The following MORC3 variants were observed in gnomAD, a reference collection of about 807,000 sequenced individuals.
MORC3 encodes the protein MORC family CW-type zinc finger 3.
Under a neutral mutation model 109.1 loss-of-function variants are expected in MORC3, and 31 were observed. The ratio of observed to expected loss-of-function variants is 0.28; its 90% CI spans 0.21 to 0.38. The LOEUF (loss-of-function observed/expected upper bound fraction) is 0.38. Ranked by LOEUF, MORC3 falls within the 10% of genes least tolerant of loss-of-function variation. MORC3 has a pLI of 1.00. For synonymous variants in MORC3, 395 were observed against 380.7 expected, an observed-to-expected ratio of 1.04 and a Z score of -0.44; for missense variants, 867 against 1,135.8, an observed-to-expected ratio of 0.76 and a Z score of 3.40.
At chr21:36,363,233 A>G (rs1460795658) in intron 13 of MORC3, among the ~76,000 whole-genome samples, 1 of 152,166 alleles carries the variant, frequency 6.6e-6, no homozygotes, top group Non-Finnish European at 1.5e-5. Context: ...AGCCTGGGCA[A>G]TATGGCAAAA....
At position 36,345,042 on chromosome 21, in the gene MORC3, T is replaced by C. The variant is rs756798979; in HGVS notation, c.1005+11T>C. ...GGATGTCAGTTAAGGGTAAGCTTTATTTTTTATTTGAAAAGAAAATGTCTA... is the reference window on the plus strand; with the variant it reads ...GGATGTCAGTTAAGGGTAAGCTTTACTTTTTATTTGAAAAGAAAATGTCTA... On this transcript the variant is annotated intron_variant, in intron 8 of 16. Transcript: ENST00000400485. The C allele has an allele frequency of 3.8e-6, 6 of 1,578,414 alleles. No individual in the cohort carries two copies. The highest frequency in any genetic ancestry group is 5.1e-6 in the Non-Finnish European group (6 of 1,169,360).
At chr21:36,355,867 A>G (rs991104963) in intron 9 of MORC3, among the ~76,000 whole-genome samples, 2 of 151,896 alleles carry the variant, frequency 1.3e-5, no homozygotes, top group African/African-American at 4.8e-5. Flanking sequence ...CAACCTACAT[A>G]TCAAGCAATT....
chr21:36,360,144 C>T (rs375716101), intron 11 of MORC3, 40 bp from the exon 12 acceptor site: 49 of 1,613,512 alleles, frequency 3.0e-5, no homozygotes, highest in African/African-American at 2.9e-4. Flanking sequence ...TATGAATAGG[C>T]GCTGGTGACA....
rs377444374 is a variant in MORC3, at chr21:36,364,174, C to T, written c.1534C>T (p.His512Tyr). 9.4e-5 allele frequency: 151 copies of T among 1,613,964 alleles called. No individual in the cohort carries two copies. The highest frequency in any genetic ancestry group is 1.2e-4 in the Non-Finnish European group (144 of 1,179,970). ...TCCTAAGGAAAGTGTTCCAAGAAGA[C>T]ATCTTTCAGAAGGAACAAATTCTTA... Reference protein sequence around the residue: ...SSPKESVPRRHLSEGTNSYAT... With the variant: ...SSPKESVPRRYLSEGTNSYAT... Residue 512 changes from histidine (H) to tyrosine (Y), a missense_variant, in exon 14 of 17, where the codon CAT (histidine) becomes TAT (tyrosine). This residue lies in a region of MORC3 where 486 missense variants were observed against 502.1 expected (regional missense o/e 0.97). Transcript: ENST00000400485.
intron 1 of MORC3, among the ~76,000 whole-genome samples, chr21:36,328,332 C>G (rs182159445): frequency 0.03 from 4,324 of 145,542 alleles, 189 homozygotes; most frequent in African/African-American, 0.095. Flanking sequence ...AATAATAAGC[C>G]CCCCCCCGCC....
chr21:36,359,064 G>C (rs936273772), intron 10 of MORC3, among the ~76,000 whole-genome samples: 1 of 152,114 alleles, frequency 6.6e-6, no homozygotes, highest in African/African-American at 2.4e-5. Flanking sequence ...GAGGGCAAAA[G>C]TGTCTTATTT....
chr21:36,370,657 T>C (rs1489977859), intron 15 of MORC3, among the ~76,000 whole-genome samples: 4 of 117,642 alleles, frequency 3.4e-5, no homozygotes, highest in South Asian at 5.7e-4. Context: ...TTTTTTTTTT[T>C]TTTTTTTTTT....
intron 8 of MORC3, chr21:36,347,832 A>C (rs1430600986): frequency 6.6e-6 from 1 of 152,246 alleles, no homozygotes; most frequent in African/African-American, 2.4e-5. Context: ...TAAAGGGAGT[A>C]ATTTGATGTG....
intron 14 of MORC3, among the ~76,000 whole-genome samples, chr21:36,366,572 A>G (rs1036657724): frequency 6.6e-6 from 1 of 151,934 alleles, no homozygotes; most frequent in African/African-American, 2.4e-5. Flanking sequence ...CCCCTGCCTC[A>G]GCCTCCTGAG....
At chr21:36,329,862 T>TTTTTG (rs1368050949) in intron 1 of MORC3, among the ~76,000 whole-genome samples, 51 of 152,264 alleles carry the variant, frequency 3.3e-4, no homozygotes, top group African/African-American at 1.2e-3. Flanking sequence ...TTTTTTGTTT[T>TTTTTG]TTTTTGTTTT....
intron 9 of MORC3, among the ~76,000 whole-genome samples, chr21:36,352,400 G>T (rs1040961924): frequency 1.6e-4 from 4 of 24,472 alleles, no homozygotes; most frequent in East Asian, 0.1. Flanking sequence ...AAAAGGGGTG[G>T]GGGGGGGCAG....
chr21:36,328,391 G>A (rs1204025602), intron 1 of MORC3, among the ~76,000 whole-genome samples: 2 of 129,502 alleles, frequency 1.5e-5, no homozygotes, highest in East Asian at 2.5e-4. Flanking sequence ...TCCCTCTGTC[G>A]CCCAGGCTGG....
In MORC3 at chr21:36,368,963, GTTTTATGTATAAAAT is replaced by G. The variant is rs768313377; in HGVS notation, c.1620-20_1620-6del. ...TTTTGTCCATATTTTATAATCTTAT[GTTTTATGTATAAAAT>G]TTTTTTCAGCTTGAAACGGAGACTT... On this transcript the variant is annotated splice_polypyrimidine_tract_variant and intron_variant, in intron 14 of 16. Transcript: ENST00000400485. The G allele has an allele frequency of 2.5e-5, 39 of 1,537,556 alleles. No homozygotes were observed. Among genetic ancestry groups the G allele is most frequent in the Admixed American group, 4.0e-5 (2 of 50,534 alleles).
At chr21:36,321,139 G>A (rs2085189573) in intron 1 of MORC3, among the ~76,000 whole-genome samples, 1 of 152,164 alleles carries the variant, frequency 6.6e-6, no homozygotes, top group Non-Finnish European at 1.5e-5. Context: ...TTTAACATTC[G>A]AATGGGTAGT....
chr21:36,323,453 CA>C (rs1275854598), intron 1 of MORC3, among the ~76,000 whole-genome samples: 6 of 152,200 alleles, frequency 3.9e-5, no homozygotes, highest in Admixed American at 3.9e-4. Context: ...GCCGTAGGTG[CA>C]CAATAATGTT....
intron 13 of MORC3, 131 bp downstream of exon 13, chr21:36,362,359 A>G (rs1313036570): frequency 8.2e-6 from 8 of 972,498 alleles, no homozygotes; most frequent in Non-Finnish European, 1.2e-5. Flanking sequence ...CCTGGCCAAC[A>G]TGGTGAAACC....
At chr21:36,351,810 A>G (rs952522046) in intron 9 of MORC3, among the ~76,000 whole-genome samples, 4 of 152,214 alleles carry the variant, frequency 2.6e-5, no homozygotes, top group African/African-American at 9.7e-5. Flanking sequence ...GAATTACCAT[A>G]TGATTGAACA....
At chr21:36,337,968 A>G in intron 4 of MORC3, 22 bp downstream of exon 4, 2 of 1,606,190 alleles carry the variant, frequency 1.2e-6, no homozygotes, top group Admixed American at 3.4e-5. Context: ...GTTGTGAAAT[A>G]AAAGCTGTGG....
At chr21:36,332,014 G>T (rs2085321336) in intron 1 of MORC3, among the ~76,000 whole-genome samples, 1 of 151,734 alleles carries the variant, frequency 6.6e-6, no homozygotes. Flanking sequence ...AGTGGTCCAT[G>T]CCTGTGGTCC....
Sources: gnomAD v4.1 joint callset for allele counts (sites outside exome capture counted in the v4.1 genomes callset) on GRCh38, gnomAD v4.1.1 for gene constraint, gnomAD v4.1.1 regional missense constraint, MANE v1.5 for transcripts, NCBI Gene and HGNC (gene_info 2026-07-23, HGNC 2026-07-21) for gene names.